Variants in C6 observed in about 807,000 individuals in gnomAD.
C6 encodes the protein complement component C6.
Under a neutral mutation model 112.9 loss-of-function variants are expected in C6, and 101 were observed. The observed-to-expected ratio is 0.89, with a 90% CI of 0.76 to 1.06. The LOEUF (loss-of-function observed/expected upper bound fraction) is 1.06. Among genes scored for constraint, C6 ranks in the 50% least tolerant of loss-of-function variants. The probability of loss-of-function intolerance (pLI) is 0.00; values close to 1 mark genes in which losing one functional copy is unlikely to be tolerated. For missense variants in C6, 1,202 were observed against 1,104.6 expected (o/e 1.09, Z -1.25); for synonymous variants, 431 against 384.1 (o/e 1.12, Z -1.43).
rs764219528 is a variant in C6 at position 41,153,819 on chromosome 5, A to G, written c.2281T>C (p.Cys761Arg). The change falls in exon 15 of 18, where the codon TGT (cysteine) becomes CGT (arginine). Residue 761 changes from cysteine (C) to arginine (R), a missense_variant. Transcript: ENST00000337836. ...CTGAGCTGCTACTCACCTTTTTCAC[A>G]GGTGAGAGAGTTTGAAATGGGTGGT... The part of the protein sequence containing the change: ...WTPPISNSLT[C>R]EKDTLTKLKG... The G allele has an allele frequency of 1.2e-6, 2 of 1,612,294 alleles. No individual in the cohort carries two copies. The highest frequency in any genetic ancestry group is 3.3e-5 in the Admixed American group (2 of 59,968).
chr5:41,210,130 T>G (rs966442760), intron 1 of C6, among the ~76,000 whole-genome samples: 3 of 152,204 alleles, frequency 2.0e-5, no homozygotes, highest in African/African-American at 7.2e-5. Context: ...GATTCTTTAT[T>G]TAATAAATGG....
chr5:41,201,427 C>T, intron 3 of C6, 131 bp downstream of exon 3: 2 of 908,456 alleles, frequency 2.2e-6, no homozygotes, highest in South Asian at 1.5e-5. Flanking sequence ...GGAATTTTCC[C>T]TCAATGGAAG....
chr5:41,249,281 T>A (rs531429779), intron 1 of C6, among the ~76,000 whole-genome samples: 163 of 152,228 alleles, frequency 1.1e-3, no homozygotes, highest in African/African-American at 3.9e-3. Context: ...TCCCTGAATC[T>A]AAAATACAAG....
chr5:41,233,609 A>G (rs1447800826), intron 1 of C6, among the ~76,000 whole-genome samples: 1 of 152,108 alleles, frequency 6.6e-6, no homozygotes, highest in Non-Finnish European at 1.5e-5. Context: ...TTTGTAGAGC[A>G]CTTTGGAAGG....
upstream of C6, among the ~76,000 whole-genome samples, chr5:41,217,966 A>G (rs565052495): frequency 8.5e-5 from 13 of 152,136 alleles, no homozygotes; most frequent in Non-Finnish European, 1.6e-4. Flanking sequence ...GAAAATCACA[A>G]TCTAATGTTT....
intron 13 of C6, among the ~76,000 whole-genome samples, chr5:41,157,373 G>A (rs867899620): frequency 2.6e-5 from 4 of 152,158 alleles, no homozygotes; most frequent in South Asian, 2.1e-4. Flanking sequence ...ATCTGGATCT[G>A]CCAATATGTG....
At chr5:41,241,091 A>G (rs1324734828) in intron 1 of C6, among the ~76,000 whole-genome samples, 1 of 152,168 alleles carries the variant, frequency 6.6e-6, no homozygotes, top group Non-Finnish European at 1.5e-5. Flanking sequence ...AGTGGCATGC[A>G]TAGGAATAGG....
intron 1 of C6, among the ~76,000 whole-genome samples, chr5:41,229,443 G>T (rs754880754): frequency 1.3e-5 from 2 of 151,024 alleles, no homozygotes; most frequent in African/African-American, 2.4e-5. Context: ...CCTGTCAGTT[G>T]TTCAGAACTG....
intron 15 of C6, among the ~76,000 whole-genome samples, chr5:41,151,571 C>T (rs749813262): frequency 3.3e-5 from 5 of 152,028 alleles, no homozygotes; most frequent in South Asian, 2.1e-4. Context: ...ATCTCAGTGG[C>T]GAAGTCTGTG....
At chr5:41,172,098 G>A in intron 9 of C6, 127 bp downstream of exon 9, 1 of 966,738 alleles carries the variant, frequency 1.0e-6, no homozygotes, top group Admixed American at 1.8e-5. Context: ...CCAACACACA[G>A]GGTTCTGAGG....
chr5:41,149,512 A>G (rs781668201), intron 16 of C6, 30 bp from the exon 17 acceptor site: 2 of 1,612,830 alleles, frequency 1.2e-6, no homozygotes, highest in Non-Finnish European at 1.7e-6. Context: ...AAGCATTTCT[A>G]TATGAAGATC....
Position 41,159,094 on chromosome 5 carries a change from A to T in C6, c.1844T>A (p.Ile615Asn). The change falls in exon 12 of 18, where the codon ATC becomes AAC. Residue 615 changes from isoleucine (I) to asparagine (N), a missense_variant. Transcript: ENST00000337836. ...KRQEEDCTFS[I>N]MENNGQPCIN... ...TACCCGGCCTTACTTGTTTTCCATG[A>T]TTGAAAATGTGCAGTCTTCCTCTTG... 1 of 1,613,640 alleles carries T rather than the reference A, an allele frequency of 6.2e-7. No individual in the cohort carries two copies. The highest frequency in any genetic ancestry group is 8.5e-7 in the Non-Finnish European group (1 of 1,179,700).
intron 9 of C6, among the ~76,000 whole-genome samples, chr5:41,168,142 G>T (rs1354062698): frequency 1.3e-5 from 2 of 152,142 alleles, no homozygotes; most frequent in African/African-American, 4.8e-5. Context: ...ATCAGCTGCA[G>T]ACAAGAGCAG....
chr5:41,238,383 A>G (rs1740464856), intron 1 of C6, among the ~76,000 whole-genome samples: 1 of 152,044 alleles, frequency 6.6e-6, no homozygotes, highest in African/African-American at 2.4e-5. Context: ...AAACAGAGAT[A>G]TAGATCAATG....
chr5:41,226,345 T>C (rs935321169), intron 1 of C6, among the ~76,000 whole-genome samples: 5 of 152,076 alleles, frequency 3.3e-5, no homozygotes, highest in African/African-American at 9.7e-5. Context: ...AGAAGACACA[T>C]GGAAAAATGC....
chr5:41,207,881 A>G (rs1428362920), intron 1 of C6, among the ~76,000 whole-genome samples: 3 of 152,182 alleles, frequency 2.0e-5, no homozygotes, highest in Non-Finnish European at 2.9e-5. Context: ...AGCGGACCTA[A>G]TAGACATCTC....
chr5:41,200,015 G>C, intron 3 of C6, 103 bp from the exon 4 acceptor site: 3 of 1,019,738 alleles, frequency 2.9e-6, no homozygotes, highest in Non-Finnish European at 4.5e-6. Flanking sequence ...TTTTCCTATG[G>C]TAATATTTCT....
In C6 at chr5:41,176,524, G is replaced by A. The variant is rs749512512; in HGVS notation, c.1119C>T (p.Gly373=). The A allele has an allele frequency of 3.0e-5, 48 of 1,613,688 alleles. 1 individual carries two copies. The highest frequency in any genetic ancestry group is 8.9e-5 in the East Asian group (4 of 44,798). ...TAAACTGATAGAGAAGGTCATACAC[G>A]CCTCCCAGGGAGCCAGAGGTGAAGT... ...THYFTSGSLG[G]VYDLLYQFSS... Residue 373 remains glycine, a synonymous_variant, in exon 8 of 18, where the codon GGC becomes GGT. Coordinates refer to ENST00000337836, the MANE Select transcript of C6 (RefSeq NM_000065.5).
intron 5 of C6, among the ~76,000 whole-genome samples, chr5:41,188,895 A>G (rs1749985503): frequency 6.6e-6 from 1 of 152,084 alleles, no homozygotes; most frequent in South Asian, 2.1e-4. Context: ...TTACACCCAG[A>G]ATATACAAAA....
Sources: gnomAD v4.1 joint callset for allele counts (sites outside exome capture counted in the v4.1 genomes callset) on GRCh38, gnomAD v4.1.1 for gene constraint, MANE v1.5 for transcripts, NCBI Gene and HGNC (gene_info 2026-07-23, HGNC 2026-07-21) for gene names.